CPLX2: variants seen among roughly 807,000 people sequenced by gnomAD.
CPLX2 encodes complexin-2.
In CPLX2, 5 loss-of-function variants were observed where a neutral mutation model predicts 16.3. The observed-to-expected ratio is 0.31, with a 90% CI of 0.16 to 0.64. The LOEUF is 0.64. Ranked by LOEUF, CPLX2 falls within the 30% of genes least tolerant of loss-of-function variation. The pLI is 0.79. For missense variants in CPLX2, 144 were observed against 181.4 expected (o/e 0.79, Z 1.18); for synonymous variants, 89 against 73.2 (o/e 1.22, Z -1.10).
chr5:175,848,510 C>T (rs948486942), intron 2 of CPLX2, among the ~76,000 whole-genome samples: 4 of 151,952 alleles, frequency 2.6e-5, no homozygotes, highest in Non-Finnish European at 2.9e-5. Context: ...GGAGAGGGCA[C>T]GAGGGAGGCA....
chr5:175,851,798 G>A (rs1759161169), intron 2 of CPLX2, among the ~76,000 whole-genome samples: 1 of 152,212 alleles, frequency 6.6e-6, no homozygotes, highest in Non-Finnish European at 1.5e-5. Flanking sequence ...CAGGGACTAG[G>A]TTCCAGATGT....
intron 2 of CPLX2, among the ~76,000 whole-genome samples, chr5:175,860,503 AAAGAAAGAAAGAAAAAG>A (rs1759345356): frequency 4.4e-5 from 1 of 22,762 alleles, no homozygotes; most frequent in African/African-American, 1.9e-4. Context: ...GAAAGAAAAG[AAAGAAAGAAAGAAAAAG>A]AAAGAAAGAA....
In CPLX2 at chr5:175,823,108, T is replaced by C. The variant is rs565202955; in HGVS notation, c.-89+14040T>C. 7.5e-4 allele frequency among the ~76,000 whole-genome samples: 114 copies of C among 152,386 alleles called. 1 individual carries two copies. Among genetic ancestry groups the C allele is most frequent in the East Asian group, 5.8e-4 (3 of 5,192 alleles). On this transcript the variant is annotated intron_variant, in intron 2 of 4. Coordinates refer to the CPLX2 transcript ENST00000359546. ...GCTTCACCTGTGCTCTAGCAGCACC[T>C]TATGCTTCCCCTATTATCATATTTT...
intron 2 of CPLX2, among the ~76,000 whole-genome samples, chr5:175,832,801 C>CA (rs1051554981): frequency 6.6e-6 from 1 of 152,126 alleles, no homozygotes; most frequent in Non-Finnish European, 1.5e-5. Flanking sequence ...GGAGAGGACC[C>CA]AGGCAGGCCC....
At chr5:175,871,415 G>GAGAGAC (rs1277179613), upstream of CPLX2, 2 of 102,396 alleles carry the variant, frequency 2.0e-5, no homozygotes, top group African/African-American at 8.6e-5. Flanking sequence ...AGAGAGGAGA[G>GAGAGAC]AGAGAGAGAG....
upstream of CPLX2, among the ~76,000 whole-genome samples, chr5:175,866,639 T>C (rs930440853): frequency 6.6e-6 from 1 of 152,108 alleles, no homozygotes; most frequent in Admixed American, 6.5e-5. Flanking sequence ...GCTGGGCAGA[T>C]GCTGGGCTGG....
chr5:175,858,326 G>T (rs959252616), intron 2 of CPLX2, among the ~76,000 whole-genome samples: 1 of 152,236 alleles, frequency 6.6e-6, no homozygotes, highest in Non-Finnish European at 1.5e-5. Flanking sequence ...GAGCACAAGC[G>T]ACACCACCCT....
rs1451229603 is a variant in CPLX2, at chr5:175,845,871, G to A, written c.-88-32781G>A. ...CAGGACTTTGAGGGAAACCCAGGAT[G>A]GGTGGGCCTGGGTCCCAGGAAAGGG... On this transcript the variant is annotated intron_variant, in intron 2 of 4. Transcript: ENST00000359546. This position sits in a 1 kb window ranked among gnomAD's most constrained non-coding sequence, Gnocchi z 4.0. 1.3e-5 allele frequency among the ~76,000 whole-genome samples: 2 copies of A among 152,150 alleles called. No homozygotes were observed. Among genetic ancestry groups the A allele is most frequent in the Non-Finnish European group, 2.9e-5 (2 of 68,020 alleles).
At chr5:175,859,962 G>A (rs1309060081) in intron 2 of CPLX2, among the ~76,000 whole-genome samples, 1 of 152,226 alleles carries the variant, frequency 6.6e-6, no homozygotes, top group Non-Finnish European at 1.5e-5. Flanking sequence ...ACCTAATTCA[G>A]AGCAACTGAA....
At chr5:175,860,384 T>C (rs1476391593) in intron 2 of CPLX2, among the ~76,000 whole-genome samples, 4 of 148,046 alleles carry the variant, frequency 2.7e-5, no homozygotes, top group African/African-American at 1.0e-4. Flanking sequence ...GATTGTGCCA[T>C]TGCTCTCCAG....
intron 1 of CPLX2, among the ~76,000 whole-genome samples, chr5:175,874,472 G>C (rs1315563781): frequency 6.6e-6 from 1 of 152,194 alleles, no homozygotes; most frequent in Non-Finnish European, 1.5e-5. Flanking sequence ...ACCCAGAACA[G>C]TGTCTGGCAG....
intron 1 of CPLX2, chr5:175,871,943 G>C (rs544835834): frequency 6.6e-6 from 1 of 152,382 alleles, no homozygotes; most frequent in Non-Finnish European, 1.5e-5. Context: ...CGAGCAGGCA[G>C]CTAGCTGCGA....
At chr5:175,836,121 C>T (rs556793312) in intron 2 of CPLX2, among the ~76,000 whole-genome samples, 70 of 152,208 alleles carry the variant, frequency 4.6e-4, no homozygotes, top group East Asian at 1.4e-3. Context: ...GAGGCCAAGG[C>T]GGGCAGATCA....
Position 175,880,210 on chromosome 5 carries a change from C to T in CPLX2, c.*165C>T, listed in dbSNP as rs1183181196. ...CCCCCTCAGCTCTCCCTCACACCTC[C>T]CTTCATCCCAGGGTATCCACCTGCA... On this transcript the variant is annotated 3_prime_UTR_variant, in exon 4 of 4. Coordinates refer to ENST00000393745, the MANE Select transcript of CPLX2 (RefSeq NM_001008220.2). 4.0e-6 allele frequency: 3 copies of T among 753,294 alleles called. No individual in the cohort carries two copies. The highest frequency in any genetic ancestry group is 3.0e-5 in the South Asian group (2 of 67,400). 46.7% of individuals were successfully genotyped at this position (753,294 alleles called of 1,614,324 possible).
At chr5:175,857,146 C>G (rs1476116491) in intron 2 of CPLX2, among the ~76,000 whole-genome samples, 1 of 152,206 alleles carries the variant, frequency 6.6e-6, no homozygotes, top group African/African-American at 2.4e-5. Flanking sequence ...GTTCCCATTA[C>G]ATTCCCTGCC....
chr5:175,873,373 G>A (rs1427216141), intron 1 of CPLX2, among the ~76,000 whole-genome samples: 1 of 151,874 alleles, frequency 6.6e-6, no homozygotes, highest in Non-Finnish European at 1.5e-5. Flanking sequence ...TCGTTGACAC[G>A]TTAAATTCAA....
chr5:175,822,867 A>G (rs1318371942), intron 2 of CPLX2, among the ~76,000 whole-genome samples: 1 of 152,240 alleles, frequency 6.6e-6, no homozygotes, highest in Non-Finnish European at 1.5e-5. Context: ...CCTCCCACCC[A>G]ACCCATAAGG....
intron 2 of CPLX2, among the ~76,000 whole-genome samples, chr5:175,854,133 C>T (rs1276930200): frequency 6.6e-6 from 1 of 152,196 alleles, no homozygotes; most frequent in African/African-American, 2.4e-5. Context: ...GTCCCCAGCA[C>T]CCCTGAGCCC....
chr5:175,838,372 A>G (rs555845697), intron 2 of CPLX2, among the ~76,000 whole-genome samples: 30 of 146,154 alleles, frequency 2.1e-4, no homozygotes, highest in African/African-American at 6.6e-4. Context: ...GGTTCACGCC[A>G]TTCTCCTGCC....
Sources: allele counts gnomAD v4.1 joint callset (sites outside exome capture counted in the v4.1 genomes callset), GRCh38; gene constraint gnomAD v4.1.1; non-coding constraint Gnocchi (gnomAD v3.1); transcripts MANE v1.5; gene names NCBI Gene and HGNC (gene_info 2026-07-23, HGNC 2026-07-21).